TNFSF4: variants seen among roughly 807,000 people sequenced by gnomAD.
The protein encoded by TNFSF4 is tumor necrosis factor ligand superfamily member 4.
A neutral mutation model predicts 7.3 loss-of-function variants in TNFSF4; 4 were observed. The observed-to-expected ratio is 0.55, with a 90% CI of 0.27 to 1.25. The LOEUF (loss-of-function observed/expected upper bound fraction) is 1.25. Among genes scored for constraint, TNFSF4 ranks in the 50% most tolerant of loss-of-function variants. The pLI is 0.12. For missense variants in TNFSF4, 181 were observed against 208.8 expected (o/e 0.87, Z 0.82); for synonymous variants, 76 against 83.7 (o/e 0.91, Z 0.50).
chr1:173,325,471 C>A, the TNFSF4 span, among the ~76,000 whole-genome samples: 6,612 of 152,004 alleles, frequency 0.043, 402 homozygotes, highest in African/African-American at 0.14. Context: ...GAAGCAAGAG[C>A]AAACACATTC....
the TNFSF4 span, among the ~76,000 whole-genome samples, chr1:173,328,646 A>G: frequency 6.6e-6 from 1 of 151,996 alleles, no homozygotes; most frequent in Non-Finnish European, 1.5e-5. Context: ...ACAAACCTGC[A>G]CATTCTGCAC....
the TNFSF4 span, among the ~76,000 whole-genome samples, chr1:173,415,064 G>A: frequency 1.9e-4 from 29 of 152,140 alleles, no homozygotes; most frequent in Non-Finnish European, 3.8e-4. Flanking sequence ...CACTCCCCCA[G>A]CGTGCTGATT....
At chr1:173,277,237 A>G in the TNFSF4 span, among the ~76,000 whole-genome samples, 1 of 152,156 alleles carries the variant, frequency 6.6e-6, no homozygotes, top group Non-Finnish European at 1.5e-5. Context: ...AGCTGTTATT[A>G]TTTGTCATGA....
the TNFSF4 span, among the ~76,000 whole-genome samples, chr1:173,336,728 G>C: frequency 6.6e-6 from 1 of 152,058 alleles, no homozygotes; most frequent in Non-Finnish European, 1.5e-5. Context: ...CTAGTCTGTT[G>C]GTAAGACATT....
the TNFSF4 span, among the ~76,000 whole-genome samples, chr1:173,291,275 G>A: frequency 1.3e-5 from 2 of 152,120 alleles, no homozygotes; most frequent in Non-Finnish European, 2.9e-5. Flanking sequence ...TTACTATCAT[G>A]AGGACAGCAT....
intron 1 of TNFSF4, among the ~76,000 whole-genome samples, chr1:173,197,107 C>G (rs144385068): frequency 7.2e-5 from 11 of 152,312 alleles, no homozygotes; most frequent in African/African-American, 2.6e-4. Flanking sequence ...CAACACTATA[C>G]ATTGCTCAAG....
chr1:173,261,782 G>A, the TNFSF4 span, among the ~76,000 whole-genome samples: 1 of 152,022 alleles, frequency 6.6e-6, no homozygotes, highest in Non-Finnish European at 1.5e-5. Flanking sequence ...GAACCAGGAA[G>A]AAGTTGAATC....
the TNFSF4 span, among the ~76,000 whole-genome samples, chr1:173,389,830 T>C: frequency 1.3e-5 from 2 of 152,202 alleles, no homozygotes; most frequent in Non-Finnish European, 2.9e-5. Flanking sequence ...TATATTGTTC[T>C]AGAAGTTCTA....
chr1:173,251,540 C>G, the TNFSF4 span, among the ~76,000 whole-genome samples: 14 of 152,304 alleles, frequency 9.2e-5, no homozygotes, highest in Admixed American at 2.0e-4. Context: ...CTCAAGATGT[C>G]TGAAAGGGGC....
At chr1:173,181,207 G>A (rs1414053075), downstream of TNFSF4, among the ~76,000 whole-genome samples, 1 of 152,178 alleles carries the variant, frequency 6.6e-6, no homozygotes, top group African/African-American at 2.4e-5. Context: ...GGACTGAAAT[G>A]ACCTTTAGAG....
the TNFSF4 span, among the ~76,000 whole-genome samples, chr1:173,390,416 G>C: frequency 6.6e-6 from 1 of 151,958 alleles, no homozygotes; most frequent in Admixed American, 6.6e-5. Flanking sequence ...TCAAGTTTTG[G>C]CCCTGGGATT....
At chr1:173,390,745 T>C in the TNFSF4 span, among the ~76,000 whole-genome samples, 1 of 64,188 alleles carries the variant, frequency 1.6e-5, no homozygotes, top group African/African-American at 6.4e-5. Context: ...TTCTTTTTTT[T>C]TTTTCTTTTT....
chr1:173,186,461 AC>A lies in TNFSF4; in HGVS notation c.*54del. On this transcript the variant is annotated 3_prime_UTR_variant, in exon 3 of 3. Transcript: ENST00000281834. ...GCAATGAAGAATCCATGCCCTGTCC[AC>A]CCCCAGCTTGGTGTTCATGCTGGTG... The A allele has an allele frequency of 1.4e-6, 2 of 1,419,646 alleles. No homozygotes were observed. Among genetic ancestry groups the A allele is most frequent in the South Asian group, 1.3e-5 (1 of 76,668 alleles). The allele number at this position is 1,419,646 out of a possible 1,614,324, so 87.9% of individuals were successfully genotyped here.
At chr1:173,392,383 A>C in the TNFSF4 span, among the ~76,000 whole-genome samples, 1 of 152,236 alleles carries the variant, frequency 6.6e-6, no homozygotes. Context: ...AAAAAGGGAA[A>C]AAATGATTGT....
the TNFSF4 span, among the ~76,000 whole-genome samples, chr1:173,264,261 C>T: frequency 6.6e-6 from 1 of 151,966 alleles, no homozygotes; most frequent in Non-Finnish European, 1.5e-5. Context: ...GATCCTCCCA[C>T]CTCAGCCTCC....
At chr1:173,214,044 G>A in the TNFSF4 span, among the ~76,000 whole-genome samples, 1 of 152,172 alleles carries the variant, frequency 6.6e-6, no homozygotes. Context: ...GAGTGCTGAG[G>A]TGGAGAAACC....
the TNFSF4 span, among the ~76,000 whole-genome samples, chr1:173,269,769 G>A: frequency 6.6e-6 from 1 of 152,112 alleles, no homozygotes; most frequent in East Asian, 1.9e-4. Context: ...TCAGGCCATG[G>A]TTGACCACTG....
the TNFSF4 span, among the ~76,000 whole-genome samples, chr1:173,285,711 C>A: frequency 4.9e-4 from 74 of 152,180 alleles, 1 homozygote; most frequent in Non-Finnish European, 8.5e-4. Flanking sequence ...CAAGTGATCA[C>A]ATTTTTTAGC....
At chr1:173,193,272 G>A (rs1649559900) in intron 1 of TNFSF4, among the ~76,000 whole-genome samples, 1 of 152,012 alleles carries the variant, frequency 6.6e-6, no homozygotes, top group African/African-American at 2.4e-5. Context: ...AAGGGCCAGG[G>A]GGCTTCCATC....
Sources: allele counts gnomAD v4.1 joint callset (sites outside exome capture counted in the v4.1 genomes callset), GRCh38; gene constraint gnomAD v4.1.1; transcripts MANE v1.5; gene names NCBI Gene and HGNC (gene_info 2026-07-23, HGNC 2026-07-21).